SBF2: variants seen among roughly 807,000 people sequenced by gnomAD.
The protein encoded by SBF2 is SET binding factor 2.
SBF2 carries 112 observed loss-of-function variants against 225.2 expected under a neutral mutation model. The ratio of observed to expected loss-of-function variants is 0.50; its 90% confidence interval spans 0.43 to 0.58. The LOEUF is 0.58. SBF2 is among the 20% of genes least tolerant of loss of function. The probability of loss-of-function intolerance (pLI) is 0.00; values close to 1 mark genes in which losing one functional copy is unlikely to be tolerated. For synonymous variants in SBF2, 763 were observed against 773.3 expected, an observed-to-expected ratio of 0.99 and a Z score of 0.22; for missense variants, 1,996 against 2,206.2, an observed-to-expected ratio of 0.90 and a Z score of 1.91.
intron 12 of SBF2, among the ~76,000 whole-genome samples, chr11:9,991,026 T>A (rs543736893): frequency 6.6e-6 from 1 of 152,180 alleles, no homozygotes; most frequent in Non-Finnish European, 1.5e-5. Flanking sequence ...AAAGAGTATA[T>A]AAACCAATGT....
chr11:10,148,498 C>CT (rs1954994904), intron 2 of SBF2, among the ~76,000 whole-genome samples: 1 of 137,778 alleles, frequency 7.3e-6, no homozygotes, highest in Non-Finnish European at 1.7e-5. Flanking sequence ...CACTAAATAC[C>CT]TATTTTTTTT....
intron 16 of SBF2, among the ~76,000 whole-genome samples, chr11:9,911,538 G>C (rs968804767): frequency 2.0e-5 from 3 of 152,096 alleles, no homozygotes; most frequent in African/African-American, 7.2e-5. Context: ...AAAAGTTATA[G>C]CAAGCTAAGT....
At chr11:9,802,637 T>G (rs1278034513) in intron 32 of SBF2, among the ~76,000 whole-genome samples, 1 of 152,190 alleles carries the variant, frequency 6.6e-6, no homozygotes, top group African/African-American at 2.4e-5. Context: ...CAGCACTAAT[T>G]CGAATTATCT....
intron 2 of SBF2, among the ~76,000 whole-genome samples, chr11:10,163,240 C>CA (rs926704801): frequency 6.6e-6 from 1 of 150,962 alleles, no homozygotes; most frequent in Non-Finnish European, 1.5e-5. Context: ...GTAATTACAG[C>CA]AAAAAAAAAT....
chr11:9,921,599 G>A (rs1272924827), intron 16 of SBF2, among the ~76,000 whole-genome samples: 1 of 152,192 alleles, frequency 6.6e-6, no homozygotes, highest in Non-Finnish European at 1.5e-5. Context: ...CAAGCAATGT[G>A]TGAAATTCTT....
Position 9,808,978 on chromosome 11 carries a change from C to T in SBF2, c.4180G>A (p.Val1394Met). 1.9e-6 allele frequency: 3 copies of T among 1,614,006 alleles called. No individual in the cohort carries two copies. The South Asian group carries it at 3.3e-5, about 18-fold the overall frequency. Residue 1394 changes from valine (V) to methionine (M), a missense_variant, in exon 31 of 40, where the codon GTG becomes ATG. Val to Met is a conservative substitution (Grantham distance 21). Coordinates refer to ENST00000256190, the MANE Select transcript of SBF2 (RefSeq NM_030962.4). ...TTCTCAAGTACTTCTGATACAACCACAGCCAGCTGCATTATCCTGTGAAGC... is the reference window on the plus strand; with the variant it reads ...TTCTCAAGTACTTCTGATACAACCATAGCCAGCTGCATTATCCTGTGAAGC... ...PQLHRIMQLA[V>M]VVSEVLENGS...
intron 3 of SBF2, among the ~76,000 whole-genome samples, chr11:10,042,531 G>A (rs1398647546): frequency 6.6e-6 from 1 of 152,112 alleles, no homozygotes; most frequent in Non-Finnish European, 1.5e-5. Context: ...AGACCTCCCA[G>A]GAGAAGGGCT....
intron 1 of SBF2, among the ~76,000 whole-genome samples, chr11:10,226,218 A>T (rs1958533599): frequency 6.6e-6 from 1 of 152,212 alleles, no homozygotes; most frequent in South Asian, 2.1e-4. Context: ...GCATAGAAAG[A>T]TGTCCCAAAA....
At chr11:10,048,327 G>A (rs958585102) in intron 2 of SBF2, among the ~76,000 whole-genome samples, 1 of 151,854 alleles carries the variant, frequency 6.6e-6, no homozygotes, top group Non-Finnish European at 1.5e-5. Context: ...AGTCCCCAAT[G>A]TCAAAATTAT....
intron 1 of SBF2, among the ~76,000 whole-genome samples, chr11:10,196,864 A>ATTTTTTT (rs1464688140): frequency 9.7e-5 from 6 of 61,954 alleles, no homozygotes; most frequent in African/African-American, 3.2e-4. Flanking sequence ...ATATATATAT[A>ATTTTTTT]TATTTTTTTT....
At chr11:10,131,890 A>G (rs1303536718) in intron 2 of SBF2, among the ~76,000 whole-genome samples, 2 of 152,190 alleles carry the variant, frequency 1.3e-5, no homozygotes, top group Non-Finnish European at 2.9e-5. Flanking sequence ...AATTTTTTAT[A>G]GATCATGTTT....
At chr11:9,867,352 C>A (rs1322573614) in intron 17 of SBF2, among the ~76,000 whole-genome samples, 1 of 151,874 alleles carries the variant, frequency 6.6e-6, no homozygotes, top group African/African-American at 2.4e-5. Context: ...TTATCTTGTC[C>A]CAGTTAAAGT....
intron 2 of SBF2, among the ~76,000 whole-genome samples, chr11:10,172,349 T>G (rs1223498219): frequency 1.3e-5 from 2 of 152,020 alleles, no homozygotes; most frequent in African/African-American, 4.8e-5. Flanking sequence ...ATTGTTTGTT[T>G]CAAAAAAAAA....
At chr11:10,016,411 C>A (rs1412192747) in intron 6 of SBF2, 1 of 151,926 alleles carries the variant, frequency 6.6e-6, no homozygotes, top group East Asian at 1.9e-4. Flanking sequence ...AACAATTTAC[C>A]CAAGCCTAAT....
intron 2 of SBF2, among the ~76,000 whole-genome samples, chr11:10,134,235 A>G (rs1020396436): frequency 6.6e-6 from 1 of 152,114 alleles, no homozygotes; most frequent in African/African-American, 2.4e-5. Flanking sequence ...CTAGAACAGC[A>G]CAGGAAAGAC....
chr11:9,907,165 G>A lies in SBF2; in HGVS notation c.1861-11154C>T, dbSNP rs1862181967. Among the ~76,000 whole-genome samples, 4 of 152,022 alleles carry A rather than the reference G, an allele frequency of 2.6e-5. No individual in the cohort carries two copies. In the South Asian group the frequency reaches 8.3e-4, roughly 32 times the overall value. On this transcript the variant is annotated intron_variant, in intron 16 of 39. Coordinates refer to ENST00000256190, the MANE Select transcript of SBF2 (RefSeq NM_030962.4). ...AAATTAAAAACACAAATTCCTCTCTGTATCACATTACTCTCCTATTCAAAA... is the reference window on the plus strand; with the variant it reads ...AAATTAAAAACACAAATTCCTCTCTATATCACATTACTCTCCTATTCAAAA...
chr11:9,806,400 A>G (rs1054605381), intron 32 of SBF2, among the ~76,000 whole-genome samples: 6 of 151,798 alleles, frequency 4.0e-5, no homozygotes, highest in African/African-American at 7.3e-5. Flanking sequence ...AAGCAAGATA[A>G]GAAGTGCTTT....
In SBF2 at chr11:10,150,672, G is replaced by A. The variant is rs557994127; in HGVS notation, c.141+43230C>T. Among the ~76,000 whole-genome samples, 35 of 152,084 alleles carry A rather than the reference G, an allele frequency of 2.3e-4. No homozygotes were observed. The South Asian group carries it at 6.2e-3, about 27-fold the overall frequency. Reference sequence around the variant, plus strand: ...GCTGTTTAGTTGAAAACTCTTTATCGACAAATAACTGATCATCTGTTTTAG... The same window carrying A: ...GCTGTTTAGTTGAAAACTCTTTATCAACAAATAACTGATCATCTGTTTTAG... On this transcript the variant is annotated intron_variant, in intron 2 of 39. Transcript: ENST00000256190.
chr11:9,963,991 C>T, intron 14 of SBF2, 109 bp from the exon 15 acceptor site: 1 of 684,704 alleles, frequency 1.5e-6, no homozygotes. Context: ...AGGCTCACAC[C>T]CGTAATCCCA....
Sources: gnomAD v4.1 joint callset for allele counts (sites outside exome capture counted in the v4.1 genomes callset) on GRCh38, gnomAD v4.1.1 for gene constraint, MANE v1.5 for transcripts, NCBI Gene and HGNC (gene_info 2026-07-23, HGNC 2026-07-21) for gene names.